Variants in GHR observed in about 807,000 individuals in gnomAD.
GHR encodes the protein GH receptor.
Under a neutral mutation model 67.1 loss-of-function variants are expected in GHR, and 35 were observed. The observed-to-expected ratio is 0.52, with a 90% CI of 0.40 to 0.69. The LOEUF (loss-of-function observed/expected upper bound fraction) is 0.69. Ranked by LOEUF, GHR falls within the 30% of genes least tolerant of loss-of-function variation. GHR has a pLI of 0.00. For missense variants in GHR, 792 were observed against 764.6 expected, an observed-to-expected ratio of 1.04 and a Z score of -0.42; for synonymous variants, 272 against 269.1, an observed-to-expected ratio of 1.01 and a Z score of -0.10.
chr5:42,439,593 A>C (rs890582730), intron 1 of GHR, among the ~76,000 whole-genome samples: 1 of 152,252 alleles, frequency 6.6e-6, no homozygotes, highest in African/African-American at 2.4e-5. Flanking sequence ...AAATTTATCT[A>C]AAGATGGACA....
chr5:42,642,094 C>T (rs1213708106), intron 3 of GHR, among the ~76,000 whole-genome samples: 1 of 152,072 alleles, frequency 6.6e-6, no homozygotes, highest in Non-Finnish European at 1.5e-5. Context: ...AAAAAGCAGC[C>T]TTTTCAGGCC....
intron 1 of GHR, among the ~76,000 whole-genome samples, chr5:42,544,866 A>G (rs1748668941): frequency 6.6e-6 from 1 of 152,188 alleles, no homozygotes; most frequent in Non-Finnish European, 1.5e-5. Flanking sequence ...AATGTCCTAT[A>G]AAAGATATAT....
chr5:42,659,641 A>G (rs1755461068), intron 3 of GHR, among the ~76,000 whole-genome samples: 1 of 152,182 alleles, frequency 6.6e-6, no homozygotes, highest in African/African-American at 2.4e-5. Flanking sequence ...CGATGGCCAA[A>G]TAGGAACAGC....
chr5:42,531,694 C>A (rs1217506953), intron 1 of GHR, among the ~76,000 whole-genome samples: 1 of 152,160 alleles, frequency 6.6e-6, no homozygotes, highest in Admixed American at 6.6e-5. Context: ...CCAGCTGAAT[C>A]ACATTGTAGT....
chr5:42,430,348 G>T (rs891794479), intron 1 of GHR, among the ~76,000 whole-genome samples: 13 of 151,666 alleles, frequency 8.6e-5, no homozygotes, highest in African/African-American at 3.1e-4. Context: ...TTGTCTTCCT[G>T]CACACACACA....
intron 1 of GHR, chr5:42,467,721 A>G: frequency 6.4e-7 from 1 of 1,568,660 alleles, no homozygotes. Context: ...GACATTCAAA[A>G]GGTTTCTCCC....
chr5:42,696,213 C>T (rs1355336900), intron 5 of GHR, among the ~76,000 whole-genome samples: 1 of 152,186 alleles, frequency 6.6e-6, no homozygotes, highest in East Asian at 1.9e-4. Context: ...TCATGTGTCA[C>T]GCACTGTTCT....
intron 1 of GHR, among the ~76,000 whole-genome samples, chr5:42,434,154 G>T (rs1001692233): frequency 3.9e-5 from 6 of 152,032 alleles, no homozygotes; most frequent in Admixed American, 6.6e-5. Context: ...CTTTACAATG[G>T]CAGAGCTGAC....
At chr5:42,710,990 G>C (rs1214881680) in intron 6 of GHR, among the ~76,000 whole-genome samples, 1 of 152,014 alleles carries the variant, frequency 6.6e-6, no homozygotes, top group Non-Finnish European at 1.5e-5. Flanking sequence ...TCATATCTTT[G>C]GGTTTATGCC....
rs887809905 is a variant in GHR at position 42,424,603 on chromosome 5, G to A, written c.-12+648G>A. 4.6e-6 allele frequency: 7 copies of A among 1,534,394 alleles called. No individual in the cohort carries two copies. Among genetic ancestry groups the A allele is most frequent in the Admixed American group, 2.0e-5 (1 of 50,982 alleles). On this transcript the variant is annotated intron_variant, in intron 1 of 9. Transcript: ENST00000230882. The surrounding 1 kb of genome is among the most constrained non-coding windows in gnomAD (Gnocchi z 4.1). Reference sequence around the variant, plus strand: ...CACCAGTCCGCATGAACTGGGGTAAGTGGAAATTGTGGCGAGCCGACCTCC... The same window carrying A: ...CACCAGTCCGCATGAACTGGGGTAAATGGAAATTGTGGCGAGCCGACCTCC...
chr5:42,618,239 A>C (rs1753265764), intron 2 of GHR, among the ~76,000 whole-genome samples: 1 of 152,130 alleles, frequency 6.6e-6, no homozygotes, highest in Non-Finnish European at 1.5e-5. Context: ...AACCACTTCC[A>C]TGTTGGCCAA....
At chr5:42,667,262 C>T (rs1454983119) in intron 3 of GHR, among the ~76,000 whole-genome samples, 1 of 152,158 alleles carries the variant, frequency 6.6e-6, no homozygotes, top group Non-Finnish European at 1.5e-5. Context: ...GCCTCACTGT[C>T]ATCCTCTGAG....
At chr5:42,713,220 ATG>A (rs1758555910) in intron 7 of GHR, among the ~76,000 whole-genome samples, 1 of 152,046 alleles carries the variant, frequency 6.6e-6, no homozygotes, top group South Asian at 2.1e-4. Context: ...TTTTTTTTTA[ATG>A]TGAGGAGATT....
At chr5:42,428,456 C>T (rs1211086276) in intron 1 of GHR, among the ~76,000 whole-genome samples, 1 of 152,200 alleles carries the variant, frequency 6.6e-6, no homozygotes, top group African/African-American at 2.4e-5. Context: ...GACATTTTCC[C>T]TATTGTCTTG....
At chr5:42,499,863 G>A (rs80125797) in intron 1 of GHR, among the ~76,000 whole-genome samples, 5 of 152,328 alleles carry the variant, frequency 3.3e-5, no homozygotes, top group African/African-American at 1.2e-4. Flanking sequence ...AACTTGGAAA[G>A]CCTGTGGTGT....
At chr5:42,539,426 G>C (rs1371646627) in intron 1 of GHR, among the ~76,000 whole-genome samples, 6 of 152,174 alleles carry the variant, frequency 3.9e-5, no homozygotes, top group Non-Finnish European at 8.8e-5. Context: ...GAGCTGAAGT[G>C]ATTGTTATCT....
Position 42,695,081 on chromosome 5 carries a change from A to T in GHR, c.431A>T (p.Asp144Val), listed in dbSNP as rs748537031. 14 of 1,605,580 alleles carry T rather than the reference A, an allele frequency of 8.7e-6. No homozygotes were observed. The highest frequency in any genetic ancestry group is 1.2e-5 in the Non-Finnish European group (14 of 1,172,422). ...GTVDEKCFSV[D>V]EIVQPDPPIA... Reference sequence around the variant, plus strand: ...GTGGATGAAAAGTGTTTCTCTGTTGATGAAATAGGTAAATCACAGGTTTTT... The same window carrying T: ...GTGGATGAAAAGTGTTTCTCTGTTGTTGAAATAGGTAAATCACAGGTTTTT... Residue 144 changes from aspartate (D) to valine (V), a missense_variant, in exon 5 of 10, where the codon GAT becomes GTT. Coordinates refer to ENST00000230882, the MANE Select transcript of GHR (RefSeq NM_000163.5).
intron 1 of GHR, among the ~76,000 whole-genome samples, chr5:42,434,156 A>G (rs1300360784): frequency 6.6e-6 from 1 of 152,182 alleles, no homozygotes; most frequent in African/African-American, 2.4e-5. Flanking sequence ...TTACAATGGC[A>G]GAGCTGACCT....
At chr5:42,505,186 A>T (rs1027432765) in intron 1 of GHR, among the ~76,000 whole-genome samples, 10 of 130,008 alleles carry the variant, frequency 7.7e-5, no homozygotes, top group African/African-American at 2.9e-4. Context: ...TAAATCTATT[A>T]TACTTTGAAC....
Sources: gnomAD v4.1 joint callset for allele counts (sites outside exome capture counted in the v4.1 genomes callset) on GRCh38, gnomAD v4.1.1 for gene constraint, Gnocchi (gnomAD v3.1) non-coding constraint, MANE v1.5 for transcripts, NCBI Gene and HGNC (gene_info 2026-07-23, HGNC 2026-07-21) for gene names.